Variants in OSBPL1A observed in about 807,000 individuals in gnomAD.
OSBPL1A encodes oxysterol binding protein like 1A.
In OSBPL1A, 80 loss-of-function variants were observed where a neutral mutation model predicts 137.1. The observed-to-expected ratio is 0.58, with a 90% CI of 0.49 to 0.70. The LOEUF (loss-of-function observed/expected upper bound fraction) is 0.70, where lower values mean the gene tolerates loss of function less well. OSBPL1A is among the 30% of genes least tolerant of loss of function. The probability of loss-of-function intolerance (pLI) is 0.00; values close to 1 mark genes in which losing one functional copy is unlikely to be tolerated. For synonymous variants in OSBPL1A, 365 were observed against 389.7 expected, an observed-to-expected ratio of 0.94 and a Z score of 0.75; for missense variants, 970 against 1,129.4, an observed-to-expected ratio of 0.86 and a Z score of 2.02.
chr18:24,312,995 A>C (rs2090649156), intron 12 of OSBPL1A, among the ~76,000 whole-genome samples: 1 of 151,658 alleles, frequency 6.6e-6, no homozygotes, highest in Non-Finnish European at 1.5e-5. Context: ...ATGGTGGTAC[A>C]TGCCTGTAAT....
chr18:24,271,886 G>T lies in OSBPL1A; in HGVS notation c.1281+8956C>A. 10 of 984,642 alleles carry T rather than the reference G, an allele frequency of 1.0e-5. No individual in the cohort carries two copies. Among genetic ancestry groups the T allele is most frequent in the Non-Finnish European group, 1.2e-5 (10 of 829,756 alleles). The allele number at this position is 984,642 out of a possible 1,614,324, so 61.0% of individuals were successfully genotyped here. A position where few individuals can be genotyped will look rare whatever the true frequency, so the allele number is the denominator to read the frequency against. On this transcript the variant is annotated intron_variant, in intron 15 of 27. Coordinates refer to ENST00000319481, the MANE Select transcript of OSBPL1A (RefSeq NM_080597.4). The surrounding 1 kb of genome is among the most constrained non-coding windows in gnomAD (Gnocchi z 4.0). ...TGCCCGCCAGCGGCCCAGGACTCCC[G>T]CGCCGCGCCCGCCCGGGCCGCAGAG...
chr18:24,374,922 CCACCACACGAACA>C (rs1905968890), intron 2 of OSBPL1A, among the ~76,000 whole-genome samples: 1 of 152,190 alleles, frequency 6.6e-6, no homozygotes, highest in African/African-American at 2.4e-5. Context: ...ACCTGCCTCT[CCACCACACGAACA>C]CACAGCAAGT....
chr18:24,196,268 T>C, intron 17 of OSBPL1A, 68 bp from the exon 18 acceptor site: 7 of 1,054,312 alleles, frequency 6.6e-6, no homozygotes, highest in Non-Finnish European at 1.0e-5. Flanking sequence ...AAGAACTGCT[T>C]TCATTCACAT....
At chr18:24,388,448 T>C (rs1907087909) in intron 1 of OSBPL1A, among the ~76,000 whole-genome samples, 1 of 151,170 alleles carries the variant, frequency 6.6e-6, no homozygotes. Flanking sequence ...GTACATCTAG[T>C]GACATAAAAT....
intron 15 of OSBPL1A, among the ~76,000 whole-genome samples, chr18:24,255,878 C>G (rs1334892356): frequency 6.6e-6 from 1 of 151,896 alleles, no homozygotes; most frequent in Non-Finnish European, 1.5e-5. Flanking sequence ...CCCCAACTCC[C>G]CAAGTAGTTG....
At chr18:24,369,092 C>G (rs1283833673) in intron 2 of OSBPL1A, among the ~76,000 whole-genome samples, 1 of 152,118 alleles carries the variant, frequency 6.6e-6, no homozygotes, top group Non-Finnish European at 1.5e-5. Context: ...TACTCAGTCT[C>G]AGGTAGTTCT....
intron 4 of OSBPL1A, among the ~76,000 whole-genome samples, chr18:24,348,647 A>C (rs937590119): frequency 6.6e-6 from 1 of 152,002 alleles, no homozygotes; most frequent in African/African-American, 2.4e-5. Flanking sequence ...GGTGATGCGC[A>C]CCTATAATCC....
intron 1 of OSBPL1A, among the ~76,000 whole-genome samples, chr18:24,397,225 G>A (rs892316015): frequency 6.6e-6 from 1 of 152,162 alleles, no homozygotes; most frequent in Non-Finnish European, 1.5e-5. Context: ...CGGTACATTG[G>A]GAAACGGTCA....
intron 1 of OSBPL1A, 75 bp downstream of exon 1, chr18:24,397,580 G>C (rs1181824527): frequency 6.6e-6 from 1 of 152,252 alleles, no homozygotes; most frequent in African/African-American, 2.4e-5. Flanking sequence ...GACCTCCCGA[G>C]CGCAGCCCGG....
intron 14 of OSBPL1A, among the ~76,000 whole-genome samples, chr18:24,292,339 A>G (rs2090189447): frequency 6.6e-6 from 1 of 152,186 alleles, no homozygotes; most frequent in South Asian, 2.1e-4. Context: ...AGAATGCAAA[A>G]TATGCCACAG....
intron 15 of OSBPL1A, among the ~76,000 whole-genome samples, chr18:24,261,975 T>A (rs565235514): frequency 6.6e-6 from 1 of 152,224 alleles, no homozygotes; most frequent in Non-Finnish European, 1.5e-5. Flanking sequence ...TGCACACTCA[T>A]GTGTATAAGC....
At chr18:24,313,053 G>A (rs1228764373) in intron 12 of OSBPL1A, among the ~76,000 whole-genome samples, 1 of 151,842 alleles carries the variant, frequency 6.6e-6, no homozygotes, top group African/African-American at 2.4e-5. Flanking sequence ...GAACCAGAAA[G>A]GCAGAGGTTG....
At chr18:24,210,707 C>A (rs1447719705) in intron 17 of OSBPL1A, among the ~76,000 whole-genome samples, 1 of 151,678 alleles carries the variant, frequency 6.6e-6, no homozygotes, top group Non-Finnish European at 1.5e-5. Flanking sequence ...CCTATTTTTT[C>A]TTTCTTTTTT....
At chr18:24,183,421 T>A (rs2086660580) in intron 18 of OSBPL1A, among the ~76,000 whole-genome samples, 1 of 150,746 alleles carries the variant, frequency 6.6e-6, no homozygotes, top group Non-Finnish European at 1.5e-5. Context: ...AGAGAGATTT[T>A]TCTTTTTCTT....
At position 24,236,923 on chromosome 18, in the gene OSBPL1A, GAGA is replaced by G. The variant is rs142154635; in HGVS notation, c.1444+2294_1444+2296del. 5.2e-4 allele frequency among the ~76,000 whole-genome samples: 79 copies of G among 152,264 alleles called. No homozygotes were observed. The East Asian group carries it at 9.1e-3, about 18-fold the overall frequency. ...GTGGCTGCTAGACGTCTATCAAGAA[GAGA>G]AGGATTAAGGAAACTGTGACATAAT... On this transcript the variant is annotated intron_variant, in intron 16 of 27. Transcript: ENST00000319481.
At chr18:24,225,751 C>T (rs1468355474) in intron 16 of OSBPL1A, among the ~76,000 whole-genome samples, 5 of 152,106 alleles carry the variant, frequency 3.3e-5, no homozygotes, top group African/African-American at 1.2e-4. Flanking sequence ...TGATTGAGGA[C>T]AGGAGTTCAA....
chr18:24,387,612 G>A (rs951606479), intron 1 of OSBPL1A, among the ~76,000 whole-genome samples: 4 of 151,930 alleles, frequency 2.6e-5, no homozygotes, highest in South Asian at 2.1e-4. Flanking sequence ...ATGGGGACTC[G>A]CTTTGTTGCC....
intron 7 of OSBPL1A, among the ~76,000 whole-genome samples, chr18:24,325,566 C>T (rs1371012069): frequency 6.6e-6 from 1 of 152,174 alleles, no homozygotes; most frequent in African/African-American, 2.4e-5. Context: ...TAAGATACCC[C>T]CCATCCTACC....
At chr18:24,339,523 T>G (rs1380190112) in intron 5 of OSBPL1A, among the ~76,000 whole-genome samples, 2 of 152,222 alleles carry the variant, frequency 1.3e-5, no homozygotes, top group East Asian at 3.8e-4. Context: ...CTTGTGCAGT[T>G]TGAGTTTGGA....
Sources: gnomAD v4.1 joint callset for allele counts (sites outside exome capture counted in the v4.1 genomes callset) on GRCh38, gnomAD v4.1.1 for gene constraint, Gnocchi (gnomAD v3.1) non-coding constraint, MANE v1.5 for transcripts, NCBI Gene and HGNC (gene_info 2026-07-23, HGNC 2026-07-21) for gene names.